Variants in WWTR1 observed in about 807,000 individuals in gnomAD.
The protein encoded by WWTR1 is WW domain-containing transcription regulator protein 1.
A neutral mutation model predicts 40.1 loss-of-function variants in WWTR1; 13 were observed. The observed-to-expected ratio is 0.32, with a 90% CI of 0.21 to 0.52. WWTR1 has a LOEUF of 0.52. WWTR1 is among the 20% of genes least tolerant of loss of function. The probability of loss-of-function intolerance (pLI) is 0.97; values close to 1 mark genes in which losing one functional copy is unlikely to be tolerated. For missense variants in WWTR1, 436 were observed against 523.1 expected (o/e 0.83, Z 1.63); for synonymous variants, 230 against 210.1 (o/e 1.09, Z -0.82).
chr3:149,710,580 CCCT>C lies in WWTR1; in HGVS notation n.584+6859_584+6861del, dbSNP rs1248379449. Among the ~76,000 whole-genome samples, 18 of 84,454 alleles carry C rather than the reference CCCT, an allele frequency of 2.1e-4. No homozygotes were observed. In the East Asian group the frequency reaches 5.7e-3, roughly 27 times the overall value. 55.4% of individuals were successfully genotyped at this position (84,454 alleles called of 152,430 possible). On this transcript the variant is annotated intron_variant and non_coding_transcript_variant, in intron 5 of 6. Transcript: ENST00000474080. ...ATCATTATCCCCGCCTCCCCCCCCCCCCTTTTTTTTTTTTTTTGAGATTGAGTC... is the reference window on the plus strand; with the variant it reads ...ATCATTATCCCCGCCTCCCCCCCCCCTTTTTTTTTTTTTTGAGATTGAGTC...
intron 2 of WWTR1, among the ~76,000 whole-genome samples, chr3:149,645,352 T>C (rs891434216): frequency 3.3e-5 from 5 of 152,108 alleles, no homozygotes; most frequent in Non-Finnish European, 7.4e-5. Context: ...GTGCTGGGAT[T>C]ACAGGTGTGA....
At chr3:149,616,053 A>T (rs1219502349) in intron 2 of WWTR1, among the ~76,000 whole-genome samples, 1 of 152,202 alleles carries the variant, frequency 6.6e-6, no homozygotes, top group Admixed American at 6.5e-5. Flanking sequence ...AGTGAGAGAC[A>T]TCCCTTCATA....
chr3:149,632,786 A>C (rs1376157741), intron 2 of WWTR1, among the ~76,000 whole-genome samples: 1 of 152,258 alleles, frequency 6.6e-6, no homozygotes, highest in African/African-American at 2.4e-5. Context: ...TGCCAAGTGC[A>C]ATAAGCCACT....
chr3:149,571,199 AT>A (rs1191901470), intron 3 of WWTR1, among the ~76,000 whole-genome samples: 6 of 137,876 alleles, frequency 4.4e-5, no homozygotes, highest in East Asian at 4.2e-4. Context: ...AAGTGTTTGA[AT>A]TTTTTTTTCT....
At chr3:149,568,081 C>A (rs1035230589) in intron 3 of WWTR1, among the ~76,000 whole-genome samples, 4 of 152,074 alleles carry the variant, frequency 2.6e-5, no homozygotes, top group Non-Finnish European at 5.9e-5. Flanking sequence ...GGCCCACAAC[C>A]TACTTAAAAC....
intron 2 of WWTR1, among the ~76,000 whole-genome samples, chr3:149,600,879 T>C (rs1739210511): frequency 6.6e-6 from 1 of 152,156 alleles, no homozygotes. Context: ...GAGACCCACT[T>C]GGAAAGAAAA....
At chr3:149,671,469 A>G (rs1332404751) in intron 1 of WWTR1, among the ~76,000 whole-genome samples, 1 of 152,230 alleles carries the variant, frequency 6.6e-6, no homozygotes, top group Non-Finnish European at 1.5e-5. Context: ...TTCTGCTGGC[A>G]TATCCCCTAA....
intron 3 of WWTR1, among the ~76,000 whole-genome samples, chr3:149,569,860 G>T (rs534363974): frequency 6.6e-6 from 1 of 152,242 alleles, no homozygotes; most frequent in East Asian, 1.9e-4. Context: ...GTTTTTAAGA[G>T]TTGGGGGTCT....
intron 2 of WWTR1, among the ~76,000 whole-genome samples, chr3:149,643,411 G>T (rs750133160): frequency 5.9e-5 from 9 of 152,150 alleles, no homozygotes; most frequent in Non-Finnish European, 1.2e-4. Context: ...ACCAAGCTAG[G>T]ATTGCAGACT....
intron 3 of WWTR1, among the ~76,000 whole-genome samples, chr3:149,566,761 CTG>C (rs930226713): frequency 2.7e-5 from 4 of 150,672 alleles, no homozygotes; most frequent in Non-Finnish European, 4.4e-5. Context: ...ACTTAGCAAA[CTG>C]AGCACAGACA....
At chr3:149,622,672 G>A (rs994656371) in intron 2 of WWTR1, among the ~76,000 whole-genome samples, 8 of 152,096 alleles carry the variant, frequency 5.3e-5, no homozygotes, top group Middle Eastern at 6.8e-3. Context: ...ACAACATGGC[G>A]AAAACCAAAA....
In WWTR1 at chr3:149,656,785, T is replaced by A. The variant is rs113228569; in HGVS notation, c.431+91A>T. 76,885 of 840,898 alleles carry A rather than the reference T, an allele frequency of 0.091. 2,250 individuals are homozygous for A. Among genetic ancestry groups the A allele is most frequent in the Middle Eastern group, 0.15 (355 of 2,300 alleles). The allele number at this position is 840,898 out of a possible 1,614,324, so 52.1% of individuals were successfully genotyped here. A position where few individuals can be genotyped will look rare whatever the true frequency, so the allele number is the denominator to read the frequency against. On this transcript the variant is annotated intron_variant, in intron 2 of 6. Coordinates refer to ENST00000360632, the MANE Select transcript of WWTR1 (RefSeq NM_015472.6). ...CTCTTTCTCTCTCTCTCTCTCTCTCTCTCTCTCACACACACACACACACAC... is the reference window on the plus strand; with the variant it reads ...CTCTTTCTCTCTCTCTCTCTCTCTCACTCTCTCACACACACACACACACAC...
At position 149,519,286 on chromosome 3, in the gene WWTR1, C is replaced by T. The variant is rs1226200414; in HGVS notation, c.*1519G>A. On this transcript the variant is annotated 3_prime_UTR_variant, in exon 7 of 7. Transcript: ENST00000360632. Reference sequence around the variant, plus strand: ...CATATTTCATGCCTTTTTATACCAACTGTAGCAAACAGGATTAGGATAATA... The same window carrying T: ...CATATTTCATGCCTTTTTATACCAATTGTAGCAAACAGGATTAGGATAATA... 2 of 152,182 alleles carry T rather than the reference C, an allele frequency of 1.3e-5. No homozygotes were observed. Among genetic ancestry groups the T allele is most frequent in the African/African-American group, 2.4e-5 (1 of 41,442 alleles). The allele number at this position is 152,182 out of a possible 1,614,324, so 9.4% of individuals were successfully genotyped here.
Position 149,676,396 on chromosome 3 carries a change from C to A in WWTR1, c.-107-6505G>T, listed in dbSNP as rs574556550. On this transcript the variant is annotated intron_variant, in intron 1 of 7. Transcript: ENST00000465804. ...ATCATCTCTTCAACAATATGAAAAT[C>A]CAGTCTCATTTTTATTGAATCAGGG... is the stretch of plus-strand genomic sequence containing the variant. Among the ~76,000 whole-genome samples, 5 of 152,206 alleles carry A rather than the reference C, an allele frequency of 3.3e-5. No individual in the cohort carries two copies. In the South Asian group the frequency reaches 8.3e-4, roughly 25 times the overall value.
chr3:149,538,392 A>G (rs1217021662), intron 4 of WWTR1, among the ~76,000 whole-genome samples: 1 of 152,218 alleles, frequency 6.6e-6, no homozygotes, highest in Non-Finnish European at 1.5e-5. Flanking sequence ...CAGTAAAAAT[A>G]AAAGAAAACT....
intron 1 of WWTR1, among the ~76,000 whole-genome samples, chr3:149,671,306 ACTGT>A (rs1576634602): frequency 6.6e-6 from 1 of 152,176 alleles, no homozygotes; most frequent in East Asian, 1.9e-4. Context: ...GTGTATGAAC[ACTGT>A]CTAAGGTGAC....
intron 5 of WWTR1, among the ~76,000 whole-genome samples, chr3:149,715,850 CAA>C (rs1305288988): frequency 6.6e-6 from 1 of 152,082 alleles, no homozygotes; most frequent in Non-Finnish European, 1.5e-5. Context: ...ATATGAATAG[CAA>C]AGAGTGATGG....
intron 5 of WWTR1, among the ~76,000 whole-genome samples, chr3:149,716,199 A>G (rs1715604499): frequency 6.6e-6 from 1 of 152,080 alleles, no homozygotes; most frequent in South Asian, 2.1e-4. Flanking sequence ...CCTGGCCAAC[A>G]TGGTAAAACC....
At chr3:149,654,436 A>G (rs1256492396) in intron 2 of WWTR1, among the ~76,000 whole-genome samples, 2 of 152,240 alleles carry the variant, frequency 1.3e-5, no homozygotes, top group East Asian at 1.9e-4. Flanking sequence ...TTCCAGGGAT[A>G]GCATCAGAGC....
Sources: gnomAD v4.1 joint callset for allele counts (sites outside exome capture counted in the v4.1 genomes callset) on GRCh38, gnomAD v4.1.1 for gene constraint, MANE v1.5 for transcripts, NCBI Gene and HGNC (gene_info 2026-07-23, HGNC 2026-07-21) for gene names.